The following EBF1 variants were observed in gnomAD, a reference collection of about 807,000 sequenced individuals.
EBF1 encodes transcription factor COE1.
A neutral mutation model predicts 68.4 loss-of-function variants in EBF1; 10 were observed. The observed-to-expected ratio is 0.15, with a 90% CI of 0.09 to 0.25. EBF1 has a LOEUF of 0.25. EBF1 is among the 10% of genes least tolerant of loss of function. EBF1 has a pLI of 1.00. For synonymous variants in EBF1, 298 were observed against 299.8 expected (o/e 0.99, Z 0.06); for missense variants, 509 against 794.4 (o/e 0.64, Z 4.32).
At chr5:158,814,114 G>T (rs745473597) in intron 8 of EBF1, among the ~76,000 whole-genome samples, 3 of 152,226 alleles carry the variant, frequency 2.0e-5, no homozygotes, top group Admixed American at 1.3e-4. Flanking sequence ...GGGAGACCAA[G>T]GGGATGTAAT....
chr5:158,711,861 G>A (rs75192846), intron 14 of EBF1, among the ~76,000 whole-genome samples: 12 of 152,126 alleles, frequency 7.9e-5, no homozygotes, highest in African/African-American at 2.7e-4. Flanking sequence ...GAGTCAACCC[G>A]TCTTCATCTA....
intron 6 of EBF1, among the ~76,000 whole-genome samples, chr5:158,919,135 A>C (rs1046793082): frequency 6.6e-6 from 1 of 151,986 alleles, no homozygotes; most frequent in Non-Finnish European, 1.5e-5. Flanking sequence ...ATGTGCAGAC[A>C]CTCTCCAGTG....
intron 6 of EBF1, among the ~76,000 whole-genome samples, chr5:158,849,634 G>A (rs11743605): frequency 0.16 from 24,516 of 152,182 alleles, 2,008 homozygotes; most frequent in Non-Finnish European, 0.18. Context: ...ATTCCTGACA[G>A]CTCCTTGCAC....
intron 8 of EBF1, among the ~76,000 whole-genome samples, chr5:158,797,741 T>G (rs1293553197): frequency 6.6e-6 from 1 of 152,198 alleles, no homozygotes; most frequent in Non-Finnish European, 1.5e-5. Flanking sequence ...TCTTAAAAAT[T>G]TGCACAGAGA....
chr5:159,034,371 C>T (rs1439947621), intron 6 of EBF1, among the ~76,000 whole-genome samples: 1 of 152,100 alleles, frequency 6.6e-6, no homozygotes, highest in Non-Finnish European at 1.5e-5. Context: ...GTGAATTATT[C>T]AGCCCAATGG....
chr5:158,777,006 C>T (rs1775430784), intron 10 of EBF1, among the ~76,000 whole-genome samples: 1 of 152,144 alleles, frequency 6.6e-6, no homozygotes, highest in African/African-American at 2.4e-5. Context: ...ATGAAAACTA[C>T]CAATTGTATG....
chr5:159,065,722 A>G (rs1776678328), intron 6 of EBF1, among the ~76,000 whole-genome samples: 1 of 152,084 alleles, frequency 6.6e-6, no homozygotes, highest in Non-Finnish European at 1.5e-5. Flanking sequence ...TAAAATATGT[A>G]TAATAGTGAC....
At position 158,697,004 on chromosome 5, in the gene EBF1, A is replaced by G. The variant is rs1450414914; in HGVS notation, c.*2107T>C. 2.1e-5 allele frequency: 4 copies of G among 190,360 alleles called. No homozygotes were observed. Among genetic ancestry groups the G allele is most frequent in the Admixed American group, 6.2e-5 (1 of 16,062 alleles). 11.8% of individuals were successfully genotyped at this position (190,360 alleles called of 1,614,324 possible). ...TACAAGTGAAATGAATATGATTTGC[A>G]TTGTTAAGGCATCCAATCTGCTGGT... On this transcript the variant is annotated 3_prime_UTR_variant, in exon 16 of 16. Coordinates refer to ENST00000313708, the MANE Select transcript of EBF1 (RefSeq NM_024007.5).
chr5:158,954,304 G>A (rs867667557), intron 6 of EBF1, among the ~76,000 whole-genome samples: 3 of 152,166 alleles, frequency 2.0e-5, no homozygotes, highest in Non-Finnish European at 2.9e-5. Context: ...CGTTTACCCA[G>A]GCCAAGGAAG....
chr5:159,063,097 G>A (rs999828074), intron 6 of EBF1, among the ~76,000 whole-genome samples: 2 of 152,280 alleles, frequency 1.3e-5, no homozygotes, highest in East Asian at 3.9e-4. Context: ...TCTAGTTCCT[G>A]TCATTCCTTC....
At chr5:158,851,071 C>T (rs1283440356) in intron 6 of EBF1, among the ~76,000 whole-genome samples, 3 of 151,954 alleles carry the variant, frequency 2.0e-5, no homozygotes, top group Non-Finnish European at 4.4e-5. Flanking sequence ...TATCCCAGCA[C>T]AAGCTGCAGG....
intron 6 of EBF1, among the ~76,000 whole-genome samples, chr5:159,066,620 T>C (rs1776850369): frequency 7.6e-6 from 1 of 131,680 alleles, no homozygotes; most frequent in Admixed American, 7.4e-5. Flanking sequence ...CTATTAGGAA[T>C]ACATGCACAG....
chr5:158,971,029 A>G (rs143164002), intron 6 of EBF1, among the ~76,000 whole-genome samples: 1 of 152,344 alleles, frequency 6.6e-6, no homozygotes, highest in East Asian at 1.9e-4. Context: ...AGCTTCTGGT[A>G]GCATGGAGGT....
At chr5:158,871,141 T>C (rs567387257) in intron 6 of EBF1, among the ~76,000 whole-genome samples, 5 of 152,304 alleles carry the variant, frequency 3.3e-5, no homozygotes, top group African/African-American at 1.2e-4. Flanking sequence ...TTGGAAGAAA[T>C]ATCAGATAAG....
intron 9 of EBF1, among the ~76,000 whole-genome samples, chr5:158,785,996 A>T (rs1009373058): frequency 3.9e-5 from 6 of 152,158 alleles, no homozygotes; most frequent in Non-Finnish European, 1.5e-5. Flanking sequence ...ACTAGTAGTC[A>T]CTCAATAAAT....
intron 9 of EBF1, among the ~76,000 whole-genome samples, chr5:158,782,854 TACTCA>T (rs1776690866): frequency 6.6e-6 from 1 of 152,104 alleles, no homozygotes; most frequent in African/African-American, 2.4e-5. Context: ...AACCTGATAA[TACTCA>T]ACTCTTGTTT....
rs533553980 is a variant in EBF1, at chr5:158,724,938, A to G, written c.1125+6131T>C. Among the ~76,000 whole-genome samples the G allele has an allele frequency of 4.6e-5, 7 of 152,358 alleles. No homozygotes were observed. In the East Asian group the frequency reaches 1.3e-3, roughly 29 times the overall value. Reference sequence around the variant, plus strand: ...CTATAAACATTCACTTTCAATATAGATAGAGCGACAGAGATGCAACATATC... The same window carrying G: ...CTATAAACATTCACTTTCAATATAGGTAGAGCGACAGAGATGCAACATATC... On this transcript the variant is annotated intron_variant, in intron 11 of 15. Coordinates refer to ENST00000313708, the MANE Select transcript of EBF1 (RefSeq NM_024007.5).
chr5:158,991,901 GT>G (rs1342934921), intron 6 of EBF1, among the ~76,000 whole-genome samples: 1 of 152,034 alleles, frequency 6.6e-6, no homozygotes, highest in Non-Finnish European at 1.5e-5. Context: ...CCTCTCCAAT[GT>G]TTTTGCAACA....
chr5:158,827,402 G>A (rs138160191), intron 7 of EBF1, among the ~76,000 whole-genome samples: 1,643 of 152,200 alleles, frequency 0.011, 16 homozygotes, highest in Non-Finnish European at 0.013. Context: ...ATATAATGTC[G>A]CTTTCTAGAC....
Sources: allele counts gnomAD v4.1 joint callset (sites outside exome capture counted in the v4.1 genomes callset), GRCh38; gene constraint gnomAD v4.1.1; transcripts MANE v1.5; gene names NCBI Gene and HGNC (gene_info 2026-07-23, HGNC 2026-07-21).